TDRD6: variants seen among roughly 807,000 people sequenced by gnomAD.
The protein encoded by TDRD6 is tudor domain-containing protein 6.
A neutral mutation model predicts 157.5 loss-of-function variants in TDRD6; 186 were observed. That is an observed-to-expected ratio of 1.18 (90% CI 1.05 to 1.33). TDRD6 has a LOEUF of 1.33. Ranked by LOEUF, TDRD6 falls within the 40% of genes most tolerant of loss-of-function variation. The pLI, the probability that TDRD6 is intolerant of heterozygous loss-of-function variation, is 0.00. For synonymous variants in TDRD6, 1,075 were observed against 945.2 expected (o/e 1.14, Z -2.52); for missense variants, 3,066 against 2,508.0 (o/e 1.22, Z -4.75).
In TDRD6 at chr6:46,690,381, T is replaced by TA; in HGVS notation, c.2254dup (p.Met752AsnfsTer8). ...AAAGAGCATCTGTTTATTTTCCTCT[T>TA]ATGCAGAATTGCTTGGAAATTAAGC... On this transcript the variant is annotated frameshift_variant, in exon 1 of 4. Coordinates refer to ENST00000316081, the MANE Select transcript of TDRD6 (RefSeq NM_001010870.3). LOFTEE classifies it high-confidence loss of function. The TA allele has an allele frequency of 6.2e-7, 1 of 1,613,890 alleles. No individual in the cohort carries two copies. The highest frequency in any genetic ancestry group is 8.5e-7 in the Non-Finnish European group (1 of 1,180,034).
At position 46,690,589 on chromosome 6, in the gene TDRD6, C is replaced by G; in HGVS notation, c.2461C>G (p.Leu821Val). 1.2e-6 allele frequency: 2 copies of G among 1,614,186 alleles called. No individual in the cohort carries two copies. The highest frequency in any genetic ancestry group is 1.7e-6 in the Non-Finnish European group (2 of 1,180,026). Reference sequence around the variant, plus strand: ...AGCTGCTCCTCACCAGAGAAACACCCTTGCTTGTTTGGCTAAGCGAACAGT... The same window carrying G: ...AGCTGCTCCTCACCAGAGAAACACCGTTGCTTGTTTGGCTAAGCGAACAGT... ...NTAAPHQRNT[L>V]ACLAKRTVNR... The change falls in exon 1 of 4, where the codon CTT becomes GTT. Residue 821 changes from leucine to valine, a missense_variant. By Grantham distance (32) the Leu-to-Val change is conservative. Transcript: ENST00000316081.
Position 46,689,458 on chromosome 6 carries a change from G to C in TDRD6, c.1330G>C (p.Asp444His). The change falls in exon 1 of 4, where the codon GAC becomes CAC. Residue 444 changes from aspartate to histidine, a missense_variant. By Grantham distance (81) the Asp-to-His change is moderately conservative (BLOSUM62 -1). Transcript: ENST00000316081. ...TGGAGTACAGTCGTGTTGCTTGGCT[G>C]ACCGAGTCCTTCAGAGCCAGGCAAC... The part of the protein sequence containing the change: ...VFGVQSCCLA[D>H]RVLQSQATEE... 6.2e-7 allele frequency: 1 copy of C among 1,613,398 alleles called. No individual in the cohort carries two copies. Among genetic ancestry groups the C allele is most frequent in the Non-Finnish European group, 8.5e-7 (1 of 1,180,032 alleles).
chr6:46,692,912 A>T lies in TDRD6; in HGVS notation c.4784A>T (p.Asp1595Val). 3 of 1,614,114 alleles carry T rather than the reference A, an allele frequency of 1.9e-6. No homozygotes were observed. Among genetic ancestry groups the T allele is most frequent in the Non-Finnish European group, 2.5e-6 (3 of 1,179,992 alleles). The change falls in exon 1 of 4, where the codon GAT becomes GTT. Residue 1595 changes from aspartate (D) to valine (V), a missense_variant. Asp to Val is a radical substitution (Grantham distance 152). Transcript: ENST00000316081. ...YRALITNICEDYLVSVRLVDF... is the reference protein window; with the variant it reads ...YRALITNICEVYLVSVRLVDF... ...GCACTTATCACTAATATTTGTGAAGATTATCTTGTATCTGTCAGGCTTGTG... is the reference window on the plus strand; with the variant it reads ...GCACTTATCACTAATATTTGTGAAGTTTATCTTGTATCTGTCAGGCTTGTG...
In TDRD6 at chr6:46,692,485, A is replaced by G. The variant is rs767424859; in HGVS notation, c.4357A>G (p.Lys1453Glu). ...SEAAIRCEFV[K>E]FQDRWEVILA... ...GGCTGCAATAAGATGTGAATTTGTT[A>G]AATTTCAAGACAGATGGGAAGTTAT... Residue 1453 changes from lysine to glutamate, a missense_variant, in exon 1 of 4, where the codon AAA becomes GAA. By Grantham distance (56) the Lys-to-Glu change is moderately conservative. Coordinates refer to ENST00000316081, the MANE Select transcript of TDRD6 (RefSeq NM_001010870.3). 1 of 1,613,838 alleles carries G rather than the reference A, an allele frequency of 6.2e-7. No homozygotes were observed. Among genetic ancestry groups the G allele is most frequent in the South Asian group, 1.1e-5 (1 of 91,080 alleles).
At chr6:46,686,312 C>T (rs148194752), upstream of TDRD6, among the ~76,000 whole-genome samples, 145 of 152,120 alleles carry the variant, frequency 9.5e-4, no homozygotes, top group African/African-American at 3.4e-3. Context: ...ACTGTAAAGG[C>T]CATAGTGTTA....
chr6:46,682,874 A>C, the TDRD6 span, among the ~76,000 whole-genome samples: 1 of 151,978 alleles, frequency 6.6e-6, no homozygotes, highest in African/African-American at 2.4e-5. Context: ...TAAAAGACTC[A>C]GTATTGCTCC....
chr6:46,681,450 C>T, the TDRD6 span: 2 of 445,428 alleles, frequency 4.5e-6, no homozygotes, highest in African/African-American at 2.0e-5. Context: ...AACATTTTAC[C>T]CACTCAAGTG....
rs1340330054 is a variant in TDRD6 at position 46,692,558 on chromosome 6, A to G, written c.4430A>G (p.Tyr1477Cys). Residue 1477 changes from tyrosine (Y) to cysteine (C), a missense_variant, in exon 1 of 4, where the codon TAT (tyrosine) becomes TGT (cysteine). Tyr to Cys is a radical substitution (Grantham distance 194). Transcript: ENST00000316081. ...GIIADDMISR[Y>C]ALSEKSQVEL... ...ATAGCAGATGATATGATTAGCAGGT[A>G]TGCTCTCAGTGAAAAATCTCAAGTA... 8 of 1,613,930 alleles carry G rather than the reference A, an allele frequency of 5.0e-6. No homozygotes were observed. The highest frequency in any genetic ancestry group is 4.4e-5 in the South Asian group (4 of 91,076).
the TDRD6 span, among the ~76,000 whole-genome samples, chr6:46,680,455 T>C: frequency 1.3e-5 from 2 of 152,226 alleles, no homozygotes; most frequent in Non-Finnish European, 2.9e-5. Flanking sequence ...TAGGATTCTT[T>C]ATGCTTGGGT....
In TDRD6 at chr6:46,702,005, T is replaced by C. The variant is rs1764638951; in HGVS notation, c.*118T>C. The C allele has an allele frequency of 1.2e-5, 15 of 1,271,698 alleles. No homozygotes were observed. The highest frequency in any genetic ancestry group is 1.6e-5 in the Non-Finnish European group (14 of 898,584). 78.8% of individuals were successfully genotyped at this position (1,271,698 alleles called of 1,614,324 possible). Reference sequence around the variant, plus strand: ...AACATGTAACCACAAGAAGTTGTCATTTTCAAAAACTTCTATATAGGTGGA... The same window carrying C: ...AACATGTAACCACAAGAAGTTGTCACTTTCAAAAACTTCTATATAGGTGGA... On this transcript the variant is annotated 3_prime_UTR_variant, in exon 4 of 4. Transcript: ENST00000316081.
Position 46,693,142 on chromosome 6 carries a change from AG to A in TDRD6, c.5017del (p.Asp1673MetfsTer7). On this transcript the variant is annotated frameshift_variant, in exon 1 of 4. Coordinates refer to ENST00000316081, the MANE Select transcript of TDRD6 (RefSeq NM_001010870.3). LOFTEE classifies it high-confidence loss of function. ...GGAAATAACAATACTAGAAATCAGA[AG>A]GGATGTTTGTGATATCCCTTTAGCA... is the stretch of plus-strand genomic sequence containing the variant. ...VLEITILEIR[R>X]DVCDIPLAIV... The A allele has an allele frequency of 6.2e-6, 10 of 1,611,728 alleles. No homozygotes were observed. The highest frequency in any genetic ancestry group is 8.5e-6 in the Non-Finnish European group (10 of 1,179,122).
upstream of TDRD6, among the ~76,000 whole-genome samples, chr6:46,683,434 G>A (rs1466399935): frequency 1.3e-5 from 2 of 151,476 alleles, no homozygotes; most frequent in African/African-American, 4.8e-5. Flanking sequence ...AGATTTAGTG[G>A]AACAATAACA....
In TDRD6 at chr6:46,688,217, T is replaced by C; in HGVS notation, c.89T>C (p.Val30Ala). ...GACGTGCATCCCGATGTGATCCCGG[T>C]GCAGCTGTGGGGGCTGGTGGGCGAG... The part of the protein sequence containing the change: ...FVDVHPDVIP[V>A]QLWGLVGERR... Residue 30 changes from valine (V) to alanine (A), a missense_variant, in exon 1 of 4, where the codon GTG becomes GCG. Coordinates refer to ENST00000316081, the MANE Select transcript of TDRD6 (RefSeq NM_001010870.3). 1 of 1,539,926 alleles carries C rather than the reference T, an allele frequency of 6.5e-7. No individual in the cohort carries two copies. Among genetic ancestry groups the C allele is most frequent in the Non-Finnish European group, 8.7e-7 (1 of 1,149,492 alleles).
rs763341221 is a variant in TDRD6, at chr6:46,690,278, C to T, written c.2150C>T (p.Thr717Ile). Reference protein sequence around the residue: ...EQKAKRENKTTSVSKALSDTT... With the variant: ...EQKAKRENKTISVSKALSDTT... ...AAAGCCAAGAGAGAGAATAAAACCACATCTGTTTCAAAAGCTTTGAGTGAC... is the reference window on the plus strand; with the variant it reads ...AAAGCCAAGAGAGAGAATAAAACCATATCTGTTTCAAAAGCTTTGAGTGAC... Residue 717 changes from threonine (T) to isoleucine (I), a missense_variant, in exon 1 of 4, where the codon ACA becomes ATA. Physicochemically the swap from Thr to Ile is moderately conservative, Grantham distance 89. Transcript: ENST00000316081. 2 of 1,613,612 alleles carry T rather than the reference C, an allele frequency of 1.2e-6. No individual in the cohort carries two copies. The highest frequency in any genetic ancestry group is 2.2e-5 in the South Asian group (2 of 91,070).
At chr6:46,701,471 C>A (rs968605791) in intron 3 of TDRD6, among the ~76,000 whole-genome samples, 1 of 151,414 alleles carries the variant, frequency 6.6e-6, no homozygotes, top group Non-Finnish European at 1.5e-5. Context: ...ATAAATAATG[C>A]AGTGGTTCTT....
intron 3 of TDRD6, among the ~76,000 whole-genome samples, chr6:46,698,943 C>T (rs1199587499): frequency 6.6e-6 from 1 of 152,098 alleles, no homozygotes. Flanking sequence ...TTTTCAAAGC[C>T]TTTGTTGTTC....
rs1582537578 is a variant in TDRD6, at chr6:46,688,083, C to A, written c.-46C>A. On this transcript the variant is annotated 5_prime_UTR_variant, in exon 1 of 4. Coordinates refer to ENST00000316081, the MANE Select transcript of TDRD6 (RefSeq NM_001010870.3). ...CGCGGAGGATTTCGAGGCCCTGAGG[C>A]GCGGCCCTTAATTTCCGGAAGTGGG... The A allele has an allele frequency of 3.5e-6, 5 of 1,434,298 alleles. No homozygotes were observed. The highest frequency in any genetic ancestry group is 2.9e-5 in the Admixed American group (1 of 34,276). The allele number at this position is 1,434,298 out of a possible 1,614,324, so 88.8% of individuals were successfully genotyped here.
chr6:46,688,047 C>T lies in TDRD6; in HGVS notation c.-82C>T. The T allele has an allele frequency of 2.2e-6, 3 of 1,394,602 alleles. No homozygotes were observed. The highest frequency in any genetic ancestry group is 3.4e-5 in the Admixed American group (1 of 29,316). 86.4% of individuals were successfully genotyped at this position (1,394,602 alleles called of 1,614,324 possible). ...TTGAACCTAGTTTGGCTGGGACTCG[C>T]CTTCAGGCGGCGCGGAGGATTTCGA... On this transcript the variant is annotated 5_prime_UTR_variant, in exon 1 of 4. Transcript: ENST00000316081.
chr6:46,683,760 A>G (rs1764017429), upstream of TDRD6, among the ~76,000 whole-genome samples: 1 of 152,078 alleles, frequency 6.6e-6, no homozygotes, highest in Non-Finnish European at 1.5e-5. Flanking sequence ...TCTTTTACCC[A>G]TATTGGCTCA....
Sources: gnomAD v4.1 joint callset for allele counts (sites outside exome capture counted in the v4.1 genomes callset) on GRCh38, gnomAD v4.1.1 for gene constraint, MANE v1.5 for transcripts, NCBI Gene and HGNC (gene_info 2026-07-23, HGNC 2026-07-21) for gene names.